UNC5D: variants seen among roughly 807,000 people sequenced by gnomAD.
UNC5D encodes the protein netrin receptor UNC5D.
In UNC5D, 39 loss-of-function variants were observed where a neutral mutation model predicts 105.4. The observed-to-expected ratio is 0.37, with a 90% CI of 0.29 to 0.48. The LOEUF is 0.48. Ranked by LOEUF, UNC5D falls within the 20% of genes least tolerant of loss-of-function variation. The pLI is 0.98. For missense variants in UNC5D, 991 were observed against 1,202.4 expected (o/e 0.82, Z 2.60); for synonymous variants, 452 against 450.4 (o/e 1.00, Z -0.04).
intron 4 of UNC5D, among the ~76,000 whole-genome samples, chr8:35,666,475 A>G (rs1411759984): frequency 6.6e-6 from 1 of 152,012 alleles, no homozygotes; most frequent in Non-Finnish European, 1.5e-5. Context: ...AAAAAAAGTC[A>G]CAAAGGCAAT....
intron 3 of UNC5D, among the ~76,000 whole-genome samples, chr8:35,571,576 A>G (rs774382210): frequency 1.3e-5 from 2 of 152,200 alleles, no homozygotes; most frequent in Non-Finnish European, 2.9e-5. Flanking sequence ...GACCTTGCCT[A>G]GAATTCTTTT....
intron 7 of UNC5D, among the ~76,000 whole-genome samples, chr8:35,705,179 T>C (rs1156530423): frequency 6.6e-6 from 1 of 152,132 alleles, no homozygotes; most frequent in Non-Finnish European, 1.5e-5. Flanking sequence ...TTAGCCAGGA[T>C]GGTCTCGATC....
intron 11 of UNC5D, among the ~76,000 whole-genome samples, chr8:35,744,331 G>A (rs532039484): frequency 3.9e-5 from 6 of 152,146 alleles, no homozygotes; most frequent in Non-Finnish European, 7.3e-5. Flanking sequence ...TTTACCCTTC[G>A]TAAATAGTTA....
chr8:35,701,801 C>G (rs953716498), intron 7 of UNC5D, among the ~76,000 whole-genome samples: 1 of 151,462 alleles, frequency 6.6e-6, no homozygotes, highest in Admixed American at 6.6e-5. Context: ...TCTATAAAAT[C>G]ACAGGGGATA....
chr8:35,250,010 T>A (rs1803583623), intron 1 of UNC5D, among the ~76,000 whole-genome samples: 2 of 152,278 alleles, frequency 1.3e-5, no homozygotes, highest in African/African-American at 2.4e-5. Context: ...GTGCTTTGAA[T>A]GTGTGTGGGC....
In UNC5D at chr8:35,750,895, C is replaced by T. The variant is rs6468330; in HGVS notation, c.2163+86C>T. The T allele has an allele frequency of 0.023, 34,605 of 1,525,986 alleles. 2,340 individuals carry two copies. The African/African-American group carries it at 0.24, about 10-fold the overall frequency. The allele number at this position is 1,525,986 out of a possible 1,614,324, so 94.5% of individuals were successfully genotyped here. On this transcript the variant is annotated intron_variant, in intron 13 of 16. Transcript: ENST00000404895. ...TCAGTATCAATTGAAAATTTTATTA[C>T]TGAGGGTCTAGAAAATGAACCCACG...
At chr8:35,305,404 A>C (rs2128873868) in intron 1 of UNC5D, among the ~76,000 whole-genome samples, 1 of 152,216 alleles carries the variant, frequency 6.6e-6, no homozygotes, top group East Asian at 1.9e-4. Flanking sequence ...CAGAGAGACC[A>C]TCTAAAGTCC....
At chr8:35,395,090 ATTC>A (rs1210531889) in intron 1 of UNC5D, among the ~76,000 whole-genome samples, 30 of 152,208 alleles carry the variant, frequency 2.0e-4, no homozygotes, top group African/African-American at 7.0e-4. Flanking sequence ...GCATAGGGCT[ATTC>A]TTCTGCATAG....
At chr8:35,316,561 C>A (rs534052996) in intron 1 of UNC5D, among the ~76,000 whole-genome samples, 2 of 152,264 alleles carry the variant, frequency 1.3e-5, no homozygotes, top group Non-Finnish European at 2.9e-5. Context: ...ACTTATGCAG[C>A]ATCTTAGAAA....
intron 16 of UNC5D, among the ~76,000 whole-genome samples, chr8:35,775,457 G>C (rs1802202210): frequency 6.6e-6 from 1 of 152,176 alleles, no homozygotes; most frequent in Admixed American, 6.5e-5. Flanking sequence ...GGCCAGGCAG[G>C]TTTGGGCTCA....
chr8:35,421,684 A>G (rs1805915364), intron 1 of UNC5D, among the ~76,000 whole-genome samples: 1 of 152,172 alleles, frequency 6.6e-6, no homozygotes, highest in African/African-American at 2.4e-5. Context: ...ATATGTATAT[A>G]TCATATATTT....
chr8:35,614,759 A>G (rs1244228035), intron 4 of UNC5D, among the ~76,000 whole-genome samples: 1 of 152,182 alleles, frequency 6.6e-6, no homozygotes, highest in Non-Finnish European at 1.5e-5. Flanking sequence ...AATAAGTCCT[A>G]TTAATTGACT....
intron 1 of UNC5D, among the ~76,000 whole-genome samples, chr8:35,282,713 A>AAAAAC (rs1376832599): frequency 6.6e-6 from 1 of 151,200 alleles, no homozygotes; most frequent in Non-Finnish European, 1.5e-5. Flanking sequence ...TAAAAGACAA[A>AAAAAC]AAAAAAAAAA....
At chr8:35,275,828 C>A (rs1286178888) in intron 1 of UNC5D, among the ~76,000 whole-genome samples, 1 of 152,150 alleles carries the variant, frequency 6.6e-6, no homozygotes, top group Non-Finnish European at 1.5e-5. Context: ...CTTTTATACA[C>A]CTATATTGTA....
chr8:35,403,457 G>C (rs1035613932), intron 1 of UNC5D, among the ~76,000 whole-genome samples: 1 of 152,170 alleles, frequency 6.6e-6, no homozygotes. Flanking sequence ...CAGAGTCTTC[G>C]GAAGTACCTA....
At chr8:35,309,892 G>A (rs1343827107) in intron 1 of UNC5D, among the ~76,000 whole-genome samples, 1 of 152,110 alleles carries the variant, frequency 6.6e-6, no homozygotes, top group Non-Finnish European at 1.5e-5. Context: ...AAACAATTGT[G>A]AGAATCTTCA....
In UNC5D at chr8:35,792,119, A is replaced by AT. The variant is rs1803071738; in HGVS notation, c.*1557dup. 1.3e-5 allele frequency: 2 copies of AT among 152,166 alleles called. No individual in the cohort carries two copies. The highest frequency in any genetic ancestry group is 4.1e-4 in the South Asian group (2 of 4,820). 9.4% of individuals were successfully genotyped at this position (152,166 alleles called of 1,614,324 possible). ...CATTCGAATAAAAAGTAGTCAGGGA[A>AT]TGGGGGAGGTGGGGAGTTGGGGAGT... On this transcript the variant is annotated 3_prime_UTR_variant, in exon 17 of 17. Coordinates refer to ENST00000404895, the MANE Select transcript of UNC5D (RefSeq NM_080872.4).
intron 1 of UNC5D, among the ~76,000 whole-genome samples, chr8:35,249,601 T>TAATAAA (rs1176666606): frequency 3.2e-5 from 4 of 126,886 alleles, no homozygotes; most frequent in African/African-American, 1.2e-4. Context: ...ATAATAATAA[T>TAATAAA]AAAATAAATA....
intron 3 of UNC5D, among the ~76,000 whole-genome samples, chr8:35,581,368 C>T (rs1818460246): frequency 1.3e-5 from 2 of 152,142 alleles, no homozygotes; most frequent in South Asian, 4.1e-4. Flanking sequence ...CATCTACTGC[C>T]TACCTGACAC....
Sources: allele counts gnomAD v4.1 joint callset (sites outside exome capture counted in the v4.1 genomes callset), GRCh38; gene constraint gnomAD v4.1.1; transcripts MANE v1.5; gene names NCBI Gene and HGNC (gene_info 2026-07-23, HGNC 2026-07-21).